The following ZNF638 variants were observed in gnomAD, a reference collection of about 807,000 sequenced individuals.
ZNF638 encodes zinc finger protein 638.
In ZNF638, 46 loss-of-function variants were observed where a neutral mutation model predicts 195.6. The observed-to-expected ratio is 0.24, with a 90% CI of 0.19 to 0.30. ZNF638 has a LOEUF of 0.30. Among genes scored for constraint, ZNF638 ranks in the 10% least tolerant of loss-of-function variants. ZNF638 has a pLI of 1.00. For missense variants in ZNF638, 2,440 were observed against 2,325.3 expected, an observed-to-expected ratio of 1.05 and a Z score of -1.01; for synonymous variants, 845 against 772.0, an observed-to-expected ratio of 1.09 and a Z score of -1.57.
intron 2 of ZNF638, 95 bp downstream of exon 2, chr2:71,350,366 A>G (rs2078919806): frequency 1.6e-6 from 2 of 1,235,654 alleles, no homozygotes; most frequent in African/African-American, 1.5e-5. Context: ...CTAGGCGTTA[A>G]GGAAATGGCA....
chr2:71,386,551 G>C (rs2079644335), intron 10 of ZNF638, among the ~76,000 whole-genome samples: 1 of 152,086 alleles, frequency 6.6e-6, no homozygotes, highest in African/African-American at 2.4e-5. Context: ...AAGAGGCATG[G>C]AAATTGGAAA....
intron 3 of ZNF638, among the ~76,000 whole-genome samples, chr2:71,359,522 C>T (rs2104243857): frequency 6.6e-6 from 1 of 152,312 alleles, no homozygotes; most frequent in East Asian, 1.9e-4. Context: ...TTACTCAGCC[C>T]ACTGACTCAC....
At chr2:71,428,130 TGTG>T (rs2080577926) in intron 24 of ZNF638, among the ~76,000 whole-genome samples, 1 of 152,110 alleles carries the variant, frequency 6.6e-6, no homozygotes, top group Admixed American at 6.5e-5. Flanking sequence ...AGGTCGAGGT[TGTG>T]GTGAGCAATG....
rs1212371589 is a variant in ZNF638, at chr2:71,371,666, A to G, written c.2265+1661A>G. On this transcript the variant is annotated intron_variant, in intron 8 of 27. Coordinates refer to ENST00000264447, the MANE Select transcript of ZNF638 (RefSeq NM_014497.5). ...GTTGTCTTTTGAGAAATGTTTCTTCAGATCTTTTGCCCATTTTTTTTTTAT... is the reference window on the plus strand; with the variant it reads ...GTTGTCTTTTGAGAAATGTTTCTTCGGATCTTTTGCCCATTTTTTTTTTAT... 2.8e-5 allele frequency among the ~76,000 whole-genome samples: 4 copies of G among 145,266 alleles called. No individual in the cohort carries two copies. The East Asian group carries it at 7.9e-4, about 29-fold the overall frequency.
intron 3 of ZNF638, among the ~76,000 whole-genome samples, chr2:71,360,560 C>T (rs573075348): frequency 6.6e-6 from 1 of 151,682 alleles, no homozygotes; most frequent in Admixed American, 6.6e-5. Flanking sequence ...CTCTTTGTTT[C>T]GTTTGTTTTT....
intron 10 of ZNF638, among the ~76,000 whole-genome samples, chr2:71,383,560 G>GTTTGTTTTT (rs2079571507): frequency 1.6e-5 from 2 of 122,096 alleles, no homozygotes; most frequent in South Asian, 2.6e-4. Context: ...TTCCTGGGTG[G>GTTTGTTTTT]TTTTTTTTTT....
At chr2:71,346,717 G>C (rs866901080) in intron 1 of ZNF638, among the ~76,000 whole-genome samples, 1 of 152,026 alleles carries the variant, frequency 6.6e-6, no homozygotes, top group Non-Finnish European at 1.5e-5. Flanking sequence ...TCCAAAAATG[G>C]TGCAAGCAAT....
At chr2:71,395,589 G>A in intron 10 of ZNF638, 1 of 591,038 alleles carries the variant, frequency 1.7e-6, no homozygotes, top group South Asian at 1.6e-5. Context: ...GCGCAGGACT[G>A]CTCCCAAGGC....
chr2:71,377,365 CTTCAA>C (rs753821826), intron 8 of ZNF638, among the ~76,000 whole-genome samples: 18 of 152,238 alleles, frequency 1.2e-4, no homozygotes, highest in Non-Finnish European at 1.6e-4. Flanking sequence ...ATTTTTAAAA[CTTCAA>C]TTCAGTGTTT....
In ZNF638 at chr2:71,395,442, G is replaced by A. The variant is rs374349409; in HGVS notation, c.2378-699G>A. 1,098 of 631,732 alleles carry A rather than the reference G, an allele frequency of 1.7e-3. 20 individuals carry two copies. The South Asian group carries it at 0.019, about 11-fold the overall frequency. 39.1% of individuals were successfully genotyped at this position (631,732 alleles called of 1,614,324 possible). A position where few individuals can be genotyped will look rare whatever the true frequency, so the allele number is the denominator to read the frequency against. Reference sequence around the variant, plus strand: ...AGTCCAGGAGGTTTTGCAAAGCTTCGGGAGAGAATAAAGGCTGAAGGCAGC... The same window carrying A: ...AGTCCAGGAGGTTTTGCAAAGCTTCAGGAGAGAATAAAGGCTGAAGGCAGC... On this transcript the variant is annotated intron_variant, in intron 10 of 27. Coordinates refer to ENST00000264447, the MANE Select transcript of ZNF638 (RefSeq NM_014497.5).
At chr2:71,355,349 TTTAC>T (rs1245773044) in intron 2 of ZNF638, among the ~76,000 whole-genome samples, 1 of 152,236 alleles carries the variant, frequency 6.6e-6, no homozygotes, top group Non-Finnish European at 1.5e-5. Flanking sequence ...CAGATACCGT[TTTAC>T]TTATAGATTT....
intron 23 of ZNF638, 103 bp from the exon 24 acceptor site, chr2:71,426,357 A>T: frequency 1.1e-6 from 1 of 876,162 alleles, no homozygotes; most frequent in East Asian, 2.6e-5. Flanking sequence ...ATTTGCACTG[A>T]AATTCTCCCA....
At chr2:71,371,967 A>C (rs2104309141) in intron 8 of ZNF638, among the ~76,000 whole-genome samples, 1 of 152,264 alleles carries the variant, frequency 6.6e-6, no homozygotes, top group South Asian at 2.1e-4. Context: ...GTATTACTGA[A>C]GAAATATTTG....
At position 71,357,468 on chromosome 2, in the gene ZNF638, C is replaced by T. The variant is rs59445166; in HGVS notation, c.1379+1688C>T. 2.0e-5 allele frequency among the ~76,000 whole-genome samples: 3 copies of T among 152,106 alleles called. No homozygotes were observed. The South Asian group carries it at 6.2e-4, about 31-fold the overall frequency. On this transcript the variant is annotated intron_variant, in intron 3 of 27. Transcript: ENST00000264447. Reference sequence around the variant, plus strand: ...CACTGTAAGGAATACAGTCGAAAATCGAAAATCTCTCCTAAGCAACATTTT... The same window carrying T: ...CACTGTAAGGAATACAGTCGAAAATTGAAAATCTCTCCTAAGCAACATTTT...
chr2:71,347,818 C>T (rs1030994880), intron 1 of ZNF638, among the ~76,000 whole-genome samples: 8 of 152,176 alleles, frequency 5.3e-5, no homozygotes, highest in African/African-American at 1.9e-4. Context: ...TTACTCACAT[C>T]TGTTAATGGT....
chr2:71,364,080 G>A lies in ZNF638; in HGVS notation c.1545G>A (p.Met515Ile), dbSNP rs748526798. The stretch of plus-strand genomic sequence containing the variant: ...GGTCTCGAAGCCCAATGCATTACAT[G>A]TATAGGCCGAGAAGTCGAAGTCCAA... ...FRRSRSPMHY[M>I]YRPRSRSPRI... The change falls in exon 5 of 28, where the codon ATG (methionine) becomes ATA (isoleucine). Residue 515 changes from methionine (M) to isoleucine (I), a missense_variant. Met to Ile is a conservative substitution (Grantham distance 10, BLOSUM62 1). Transcript: ENST00000264447. The A allele has an allele frequency of 4.3e-6, 7 of 1,614,184 alleles. 1 individual carries two copies. The Middle Eastern group carries it at 6.6e-4, about 152-fold the overall frequency.
intron 17 of ZNF638, among the ~76,000 whole-genome samples, chr2:71,404,452 G>T (rs1380372759): frequency 6.6e-6 from 1 of 152,138 alleles, no homozygotes; most frequent in Non-Finnish European, 1.5e-5. Flanking sequence ...GCTCACGCTG[G>T]TGATCCCAGC....
At position 71,348,649 on chromosome 2, in the gene ZNF638, A is replaced by G. The variant is rs1028420079; in HGVS notation, c.-202-104A>G. On this transcript the variant is annotated intron_variant, in intron 1 of 27. Transcript: ENST00000264447. ...ACTCTAAAAGTATATGAAATGCAGAATGGTTTCATGGCTTTATTTCAAAAT... is the reference window on the plus strand; with the variant it reads ...ACTCTAAAAGTATATGAAATGCAGAGTGGTTTCATGGCTTTATTTCAAAAT... 1.2e-5 allele frequency: 15 copies of G among 1,286,352 alleles called. No homozygotes were observed. In the African/African-American group the frequency reaches 2.3e-4, roughly 19 times the overall value. 79.7% of individuals were successfully genotyped at this position (1,286,352 alleles called of 1,614,324 possible).
chr2:71,423,952 A>G lies in ZNF638; in HGVS notation c.4438A>G (p.Lys1480Glu). ...CTCAGCCCTGCAAGGCAAGCTTTCTAAACTGGATTACAGAGATATAACAAA... is the reference window on the plus strand; with the variant it reads ...CTCAGCCCTGCAAGGCAAGCTTTCTGAACTGGATTACAGAGATATAACAAA... ...RISALQGKLS[K>E]LDYRDITKQS... Residue 1480 changes from lysine (K) to glutamate (E), a missense_variant, in exon 22 of 28, where the codon AAA becomes GAA. Lys to Glu is a moderately conservative substitution (Grantham distance 56). Transcript: ENST00000264447. 6 of 1,614,112 alleles carry G rather than the reference A, an allele frequency of 3.7e-6. No individual in the cohort carries two copies. The highest frequency in any genetic ancestry group is 4.2e-6 in the Non-Finnish European group (5 of 1,179,994).
Sources: allele counts gnomAD v4.1 joint callset (sites outside exome capture counted in the v4.1 genomes callset), GRCh38; gene constraint gnomAD v4.1.1; transcripts MANE v1.5; gene names NCBI Gene and HGNC (gene_info 2026-07-23, HGNC 2026-07-21).